Variants in MBD5 observed in about 807,000 individuals in gnomAD.
The protein encoded by MBD5 is methyl-CpG binding domain protein 5.
MBD5 carries 13 observed loss-of-function variants against 117.3 expected under a neutral mutation model. That is an observed-to-expected ratio of 0.11 (90% CI 0.07 to 0.18). The LOEUF is 0.18. Among genes scored for constraint, MBD5 ranks in the 10% least tolerant of loss-of-function variants. MBD5 has a pLI of 1.00. For missense variants in MBD5, 1,879 were observed against 2,093.8 expected, an observed-to-expected ratio of 0.90 and a Z score of 2.00; for synonymous variants, 727 against 766.4, an observed-to-expected ratio of 0.95 and a Z score of 0.85.
intron 1 of MBD5, among the ~76,000 whole-genome samples, chr2:148,094,581 A>C (rs1463520947): frequency 6.6e-6 from 1 of 152,180 alleles, no homozygotes; most frequent in Non-Finnish European, 1.5e-5. Flanking sequence ...AACTATAGTT[A>C]GTGGTATGAC....
chr2:148,186,317 C>T (rs576493588), intron 2 of MBD5, among the ~76,000 whole-genome samples: 28 of 152,320 alleles, frequency 1.8e-4, no homozygotes, highest in South Asian at 1.2e-3. Flanking sequence ...ATTGTGAGGC[C>T]TCCCCAGCCA....
intron 1 of MBD5, among the ~76,000 whole-genome samples, chr2:148,043,426 C>T (rs1283991427): frequency 6.7e-6 from 1 of 149,330 alleles, no homozygotes; most frequent in Non-Finnish European, 1.5e-5. Flanking sequence ...GCACTCCTGT[C>T]TGGGCGACAG....
Position 148,516,112 on chromosome 2 carries a change from G to A in MBD5, c.*3171G>A, listed in dbSNP as rs989162391. ...ACGTAACACTGCAGAATTGCAGGAA[G>A]AGAAAAGGGCAGTTAGTTATTTCAC... On this transcript the variant is annotated 3_prime_UTR_variant, in exon 14 of 14. Transcript: ENST00000642680. 7 of 152,162 alleles carry A rather than the reference G, an allele frequency of 4.6e-5. No homozygotes were observed. Among genetic ancestry groups the A allele is most frequent in the Admixed American group, 3.9e-4 (6 of 15,282 alleles). 9.4% of individuals were successfully genotyped at this position (152,162 alleles called of 1,614,324 possible). A position where few individuals can be genotyped will look rare whatever the true frequency, so the allele number is the denominator to read the frequency against.
At chr2:148,230,961 A>G (rs940221102) in intron 2 of MBD5, among the ~76,000 whole-genome samples, 1 of 152,062 alleles carries the variant, frequency 6.6e-6, no homozygotes, top group African/African-American at 2.4e-5. Context: ...CTCTCCTTAA[A>G]TGGAGTGAGT....
At chr2:148,116,762 C>G (rs1574031366) in intron 1 of MBD5, among the ~76,000 whole-genome samples, 1 of 152,170 alleles carries the variant, frequency 6.6e-6, no homozygotes, top group Admixed American at 6.5e-5. Flanking sequence ...TCACATTGAT[C>G]TTTCTCTTCT....
intron 3 of MBD5, among the ~76,000 whole-genome samples, chr2:148,294,501 G>GTTTTTTTTT (rs58961481): frequency 8.8e-5 from 10 of 113,204 alleles, no homozygotes; most frequent in African/African-American, 3.7e-4. Flanking sequence ...TGGGATTACA[G>GTTTTTTTTT]TTTTTTTTTT....
intron 11 of MBD5, 108 bp from the exon 12 acceptor site, chr2:148,502,328 C>A: frequency 2.1e-6 from 2 of 942,468 alleles, no homozygotes; most frequent in Non-Finnish European, 3.4e-6. Context: ...AAGGTTAAGG[C>A]TCCCCTCCCC....
intron 3 of MBD5, among the ~76,000 whole-genome samples, chr2:148,255,440 C>T (rs1465778359): frequency 6.6e-6 from 1 of 152,204 alleles, no homozygotes; most frequent in Non-Finnish European, 1.5e-5. Flanking sequence ...CAAGGAGTAA[C>T]ATGCAAGTCA....
At chr2:148,308,149 A>G (rs529553199) in intron 3 of MBD5, among the ~76,000 whole-genome samples, 74 of 152,284 alleles carry the variant, frequency 4.9e-4, no homozygotes, top group African/African-American at 1.7e-3. Flanking sequence ...TCCTTTGGGT[A>G]TATACCTAGT....
chr2:148,155,757 G>A (rs758044125), intron 1 of MBD5, among the ~76,000 whole-genome samples: 1 of 152,200 alleles, frequency 6.6e-6, no homozygotes, highest in African/African-American at 2.4e-5. Context: ...AACTTGAAAT[G>A]ATCATTGCCC....
intron 2 of MBD5, among the ~76,000 whole-genome samples, chr2:148,223,733 T>C (rs1359031899): frequency 6.6e-6 from 1 of 152,158 alleles, no homozygotes; most frequent in Non-Finnish European, 1.5e-5. Flanking sequence ...TATTTATTTA[T>C]GCTCTGCTCT....
At chr2:148,091,971 G>GA (rs1318727315) in intron 1 of MBD5, among the ~76,000 whole-genome samples, 5 of 151,800 alleles carry the variant, frequency 3.3e-5, no homozygotes, top group East Asian at 1.9e-4. Flanking sequence ...CATCAAGAAA[G>GA]AAACAGTCCC....
intron 1 of MBD5, among the ~76,000 whole-genome samples, chr2:148,086,222 C>T (rs1289832946): frequency 6.6e-6 from 1 of 151,324 alleles, no homozygotes; most frequent in Non-Finnish European, 1.5e-5. Flanking sequence ...GTTTCTGAAA[C>T]TTTACTGGCC....
In MBD5 at chr2:148,474,437, C is replaced by A. The variant is rs566413814; in HGVS notation, c.2518+3976C>A. Among the ~76,000 whole-genome samples, 13 of 152,220 alleles carry A rather than the reference C, an allele frequency of 8.5e-5. No homozygotes were observed. In the East Asian group the frequency reaches 2.5e-3, roughly 29 times the overall value. ...TCTGCCAACATGCTTATTAGCAACC[C>A]TACCTTCTTCCAATATGATAAAGTC... On this transcript the variant is annotated intron_variant, in intron 8 of 13. Transcript: ENST00000642680.
intron 4 of MBD5, among the ~76,000 whole-genome samples, chr2:148,451,996 A>T (rs1294706448): frequency 1.3e-5 from 2 of 152,156 alleles, no homozygotes; most frequent in Non-Finnish European, 2.9e-5. Context: ...TGAGCACAAG[A>T]TCATTGTGTG....
At chr2:148,468,286 C>A (rs1341383365) in intron 7 of MBD5, 55 bp from the exon 8 acceptor site, 1 of 1,474,424 alleles carries the variant, frequency 6.8e-7, no homozygotes, top group East Asian at 2.3e-5. Context: ...CCCTCCCTCC[C>A]ACCACAAAAG....
chr2:148,485,537 A>T (rs911473596), intron 9 of MBD5: 43 of 568,060 alleles, frequency 7.6e-5, no homozygotes, highest in African/African-American at 6.9e-4. Context: ...ATGTAAAATT[A>T]AAAAACTAAT....
chr2:148,294,410 G>A (rs1701585959), intron 3 of MBD5, among the ~76,000 whole-genome samples: 1 of 149,642 alleles, frequency 6.7e-6, no homozygotes, highest in Admixed American at 6.7e-5. Context: ...ATTTTTAGTA[G>A]AGACAGGGTT....
intron 1 of MBD5, among the ~76,000 whole-genome samples, chr2:148,074,459 A>G (rs1390732904): frequency 6.6e-6 from 1 of 151,106 alleles, no homozygotes; most frequent in African/African-American, 2.4e-5. Context: ...ATAACCGGAA[A>G]CTAGTACCTT....
Sources: gnomAD v4.1 joint callset for allele counts (sites outside exome capture counted in the v4.1 genomes callset) on GRCh38, gnomAD v4.1.1 for gene constraint, MANE v1.5 for transcripts, NCBI Gene and HGNC (gene_info 2026-07-23, HGNC 2026-07-21) for gene names.